The following MYH11 variants were observed in gnomAD, a reference collection of about 807,000 sequenced individuals.
The protein encoded by MYH11 is myosin heavy chain 11, also known as myosin-11.
In MYH11, 80 loss-of-function variants were observed where a neutral mutation model predicts 246.6. The ratio of observed to expected loss-of-function variants is 0.32; its 90% CI spans 0.27 to 0.39. MYH11 has a LOEUF of 0.39. Ranked by LOEUF, MYH11 falls within the 10% of genes least tolerant of loss-of-function variation. The pLI, the probability that MYH11 is intolerant of heterozygous loss-of-function variation, is 1.00. For synonymous variants in MYH11, 1,071 were observed against 1,015.5 expected, an observed-to-expected ratio of 1.05 and a Z score of -1.04; for missense variants, 2,158 against 2,546.8, an observed-to-expected ratio of 0.85 and a Z score of 3.29.
intron 40 of MYH11, chr16:15,713,001 GCAC>G (rs1456660098): frequency 2.0e-5 from 3 of 151,122 alleles, no homozygotes; most frequent in African/African-American, 7.3e-5. Context: ...CTATAGGCAT[GCAC>G]CACCACACCT....
In MYH11 at chr16:15,838,056, C is replaced by A; in HGVS notation, c.197G>T (p.Gly66Val). The A allele has an allele frequency of 6.2e-7, 1 of 1,614,118 alleles. No homozygotes were observed. Among genetic ancestry groups the A allele is most frequent in the African/African-American group, 1.3e-5 (1 of 75,014 alleles). Residue 66 changes from glycine to valine, a missense_variant, in exon 2 of 41, where the codon GGC becomes GTC. By Grantham distance (109) the Gly-to-Val change is moderately radical. Around this residue, in one of 11 missense-constraint regions of MYH11, gnomAD observed 96 missense variants for 91.9 expected, o/e 1.04. Coordinates refer to ENST00000300036, the MANE Select transcript of MYH11 (RefSeq NM_002474.3). ...DEVVVELVEN[G>V]KKVTVGKDDI... is the part of the protein sequence containing the mutation. Reference sequence around the variant, plus strand: ...ATCTTTCCCAACCGTGACCTTCTTGCCATTCTCCACCAGCTCCACAACCAC... The same window carrying A: ...ATCTTTCCCAACCGTGACCTTCTTGACATTCTCCACCAGCTCCACAACCAC...
chr16:15,786,885 T>C (rs1053784285), intron 4 of MYH11, among the ~76,000 whole-genome samples, 153 bp from the exon 5 acceptor site: 1 of 152,134 alleles, frequency 6.6e-6, no homozygotes, highest in Non-Finnish European at 1.5e-5. Context: ...CAAGGCCACA[T>C]CTCTGGTAGT....
rs374960962 is a variant in MYH11, at chr16:15,750,126, G to A, written c.2058+12C>T. 2.5e-5 allele frequency: 40 copies of A among 1,613,956 alleles called. No homozygotes were observed. The highest frequency in any genetic ancestry group is 3.1e-5 in the Non-Finnish European group (36 of 1,179,990). ...CTTCTGGGAGCCCCAGGGTCTGGGC[G>A]GCGGGCCTCACCCTCTTCTCGTGGT... On this transcript the variant is annotated intron_variant, in intron 16 of 40. Coordinates refer to ENST00000300036, the MANE Select transcript of MYH11 (RefSeq NM_002474.3). This position sits in a 1 kb window ranked among gnomAD's most constrained non-coding sequence, Gnocchi z 4.3.
rs139377348 is a variant in MYH11, at chr16:15,724,763, C to T, written c.4000G>A (p.Val1334Met). The change falls in exon 30 of 41, where the codon GTG (valine) becomes ATG (methionine). Residue 1334 changes from valine to methionine, a missense_variant. Coordinates refer to ENST00000300036, the MANE Select transcript of MYH11 (RefSeq NM_002474.3). ...TCCAGCTGGCGCAGCTTCGTAGACA[C>T]GTTGAGCTTCTGCCGGGTTTCTTCT... ...LQEETRQKLN[V>M]STKLRQLEEE... 2.5e-6 allele frequency: 4 copies of T among 1,614,124 alleles called. No individual in the cohort carries two copies. Among genetic ancestry groups the T allele is most frequent in the Non-Finnish European group, 3.4e-6 (4 of 1,180,024 alleles).
chr16:15,706,124 C>A (rs2039439844), intron 40 of MYH11, among the ~76,000 whole-genome samples: 1 of 152,090 alleles, frequency 6.6e-6, no homozygotes, highest in African/African-American at 2.4e-5. Context: ...GATGGGACTT[C>A]CCGCAGTGCA....
chr16:15,757,805 C>T (rs960416131), intron 13 of MYH11, 22 bp downstream of exon 13: 24 of 1,614,106 alleles, frequency 1.5e-5, no homozygotes, highest in African/African-American at 1.2e-4. Flanking sequence ...GACGGAGCCC[C>T]GCACGCCCAC....
chr16:15,798,004 G>T (rs2042785183), intron 4 of MYH11, among the ~76,000 whole-genome samples: 1 of 152,074 alleles, frequency 6.6e-6, no homozygotes, highest in Non-Finnish European at 1.5e-5. Flanking sequence ...CAATAAAGTT[G>T]TGATACCCAT....
chr16:15,794,440 G>A (rs1459360198), intron 4 of MYH11, among the ~76,000 whole-genome samples: 1 of 152,224 alleles, frequency 6.6e-6, no homozygotes, highest in Non-Finnish European at 1.5e-5. Context: ...CTGACTGGAT[G>A]CATTTGCAAA....
chr16:15,822,185 G>A (rs7190470), intron 3 of MYH11, among the ~76,000 whole-genome samples: 8,287 of 152,274 alleles, frequency 0.054, 738 homozygotes, highest in African/African-American at 0.18. Context: ...CCGGCCTCAA[G>A]AACTTCCAGA....
At chr16:15,818,684 C>T (rs1693866808) in intron 3 of MYH11, among the ~76,000 whole-genome samples, 3 of 152,124 alleles carry the variant, frequency 2.0e-5, no homozygotes, top group African/African-American at 2.4e-5. Context: ...GATCCCCCCA[C>T]CTTGGCCTCC....
rs2040236172 is a variant in MYH11, at chr16:15,717,678, C to T, written c.5296-330G>A. 9 of 416,658 alleles carry T rather than the reference C, an allele frequency of 2.2e-5. No individual in the cohort carries two copies. The South Asian group carries it at 2.3e-4, about 11-fold the overall frequency. 25.8% of individuals were successfully genotyped at this position (416,658 alleles called of 1,614,324 possible). A position where few individuals can be genotyped will look rare whatever the true frequency, so the allele number is the denominator to read the frequency against. ...GGCAGTGGTGGCACGTGCCTGTAGT[C>T]CCAGCTACTTGGGAGGTTGAAGCAG... On this transcript the variant is annotated intron_variant, in intron 37 of 40. Transcript: ENST00000300036.
intron 2 of MYH11, among the ~76,000 whole-genome samples, chr16:15,835,671 C>A (rs2043871170): frequency 6.6e-6 from 1 of 151,982 alleles, no homozygotes; most frequent in Non-Finnish European, 1.5e-5. Context: ...ATTTTCAGTG[C>A]CTGCACTTAA....
intron 2 of MYH11, among the ~76,000 whole-genome samples, chr16:15,828,480 C>T (rs568175482): frequency 3.9e-5 from 6 of 152,262 alleles, no homozygotes; most frequent in Admixed American, 1.3e-4. Context: ...CCACACACTA[C>T]TGTATCTCCT....
At chr16:15,763,517 G>T (rs574918973) in intron 10 of MYH11, among the ~76,000 whole-genome samples, 1 of 151,826 alleles carries the variant, frequency 6.6e-6, no homozygotes, top group African/African-American at 2.4e-5. Flanking sequence ...GCGAGACCTC[G>T]TCTCTATTAA....
chr16:15,779,014 T>C (rs1567754316), intron 6 of MYH11, 171 bp from the exon 7 acceptor site: 1 of 710,462 alleles, frequency 1.4e-6, no homozygotes, highest in Non-Finnish European at 2.6e-6. Flanking sequence ...CAACATCTGC[T>C]GAGCTGAAAC....
At chr16:15,823,148 G>A in intron 3 of MYH11, 107 bp downstream of exon 3, 2 of 1,475,172 alleles carry the variant, frequency 1.4e-6, no homozygotes, top group South Asian at 2.3e-5. Flanking sequence ...GTAACTCCTG[G>A]TCCCTCGCAG....
At chr16:15,727,763 A>G (rs1322155593) in intron 27 of MYH11, among the ~76,000 whole-genome samples, 1 of 152,326 alleles carries the variant, frequency 6.6e-6, no homozygotes, top group Admixed American at 6.5e-5. Context: ...GCTTAAGGCC[A>G]GGAGTACAAG....
chr16:15,735,036 G>A (rs1345365572), intron 26 of MYH11, among the ~76,000 whole-genome samples: 3 of 151,866 alleles, frequency 2.0e-5, no homozygotes, highest in Non-Finnish European at 2.9e-5. Flanking sequence ...AAAATTAGCC[G>A]GGTGTGGTGG....
At chr16:15,721,660 T>G in intron 31 of MYH11, 26 bp from the exon 32 acceptor site, 1 of 1,612,606 alleles carries the variant, frequency 6.2e-7, no homozygotes, top group Non-Finnish European at 8.5e-7. Flanking sequence ...CAGAGGTGAC[T>G]TCTAGGCATA....
Sources: gnomAD v4.1 joint callset for allele counts (sites outside exome capture counted in the v4.1 genomes callset) on GRCh38, gnomAD v4.1.1 for gene constraint, gnomAD v4.1.1 regional missense constraint, Gnocchi (gnomAD v3.1) non-coding constraint, MANE v1.5 for transcripts, NCBI Gene and HGNC (gene_info 2026-07-23, HGNC 2026-07-21) for gene names.